KCNN2: variants seen among roughly 807,000 people sequenced by gnomAD.
KCNN2 encodes the protein potassium calcium-activated channel subfamily N member 2, also known as small conductance calcium-activated potassium channel protein 2.
Under a neutral mutation model 55.5 loss-of-function variants are expected in KCNN2, and 24 were observed. The observed-to-expected ratio is 0.43, with a 90% CI of 0.31 to 0.61. The LOEUF (loss-of-function observed/expected upper bound fraction) is 0.61. Ranked by LOEUF, KCNN2 falls within the 20% of genes least tolerant of loss-of-function variation. The pLI, the probability that KCNN2 is intolerant of heterozygous loss-of-function variation, is 0.08. For synonymous variants in KCNN2, 431 were observed against 336.1 expected, an observed-to-expected ratio of 1.28 and a Z score of -3.09; for missense variants, 754 against 853.6, an observed-to-expected ratio of 0.88 and a Z score of 1.45.
chr5:114,065,588 T>G (rs1750427894), intron 1 of KCNN2, among the ~76,000 whole-genome samples: 1 of 152,192 alleles, frequency 6.6e-6, no homozygotes, highest in Admixed American at 6.5e-5. Flanking sequence ...ATAAATGCAA[T>G]ATTAGTCTTG....
intron 1 of KCNN2, among the ~76,000 whole-genome samples, chr5:114,187,198 A>G (rs1158080261): frequency 6.6e-6 from 1 of 152,142 alleles, no homozygotes; most frequent in Non-Finnish European, 1.5e-5. Context: ...ACCTTATATT[A>G]AATAAGTGCA....
intron 2 of KCNN2, among the ~76,000 whole-genome samples, chr5:114,245,223 A>G (rs1412925045): frequency 3.3e-5 from 5 of 152,230 alleles, no homozygotes; most frequent in Admixed American, 1.3e-4. Context: ...CAAAAACTCT[A>G]GTGCTGCTGT....
intron 3 of KCNN2, among the ~76,000 whole-genome samples, chr5:114,425,163 C>T (rs956623586): frequency 2.0e-5 from 3 of 152,170 alleles, no homozygotes; most frequent in Non-Finnish European, 4.4e-5. Context: ...ACAATTTGTT[C>T]TACCCAAGGC....
At chr5:114,432,780 C>A (rs1025173103) in intron 3 of KCNN2, among the ~76,000 whole-genome samples, 3 of 152,186 alleles carry the variant, frequency 2.0e-5, no homozygotes, top group African/African-American at 7.2e-5. Context: ...CGCCGAGCAG[C>A]CGGCCAGCCC....
At chr5:114,119,617 A>C (rs550570545) in intron 1 of KCNN2, among the ~76,000 whole-genome samples, 7 of 152,080 alleles carry the variant, frequency 4.6e-5, no homozygotes, top group Non-Finnish European at 8.8e-5. Context: ...CTCCCATTGG[A>C]AGCATCCCGT....
intron 2 of KCNN2, among the ~76,000 whole-genome samples, chr5:114,386,111 G>GA (rs1758275349): frequency 3.3e-5 from 5 of 150,154 alleles, no homozygotes. Context: ...GAACCGAGGA[G>GA]ACAGAGCTTG....
rs750693807 is a variant in KCNN2, at chr5:114,363,941, C to T, written c.1158C>T (p.Ile386=). 6.8e-6 allele frequency: 11 copies of T among 1,614,052 alleles called. No individual in the cohort carries two copies. Among genetic ancestry groups the T allele is most frequent in the Non-Finnish European group, 9.3e-6 (11 of 1,179,928 alleles). ...ATTCCTTAGCTCTGAAATGCCTTAT[C>T]AGTCTCTCCACGATCATCCTGCTCG... ...SLYSLALKCL[I]SLSTIILLGL... is the part of the protein sequence containing the mutation. The change falls in exon 2 of 8, where the codon ATC becomes ATT. Residue 386 remains isoleucine (I), a synonymous_variant. Coordinates refer to ENST00000673685, the MANE Select transcript of KCNN2 (RefSeq NM_021614.4).
chr5:114,405,801 C>T (rs376115893), intron 3 of KCNN2, among the ~76,000 whole-genome samples: 1 of 151,886 alleles, frequency 6.6e-6, no homozygotes, highest in South Asian at 2.1e-4. Context: ...AGCTCTGCCT[C>T]CCAGGTTCAC....
intron 2 of KCNN2, among the ~76,000 whole-genome samples, chr5:114,252,022 G>A (rs964705570): frequency 2.6e-5 from 4 of 151,458 alleles, no homozygotes; most frequent in Admixed American, 6.6e-5. Flanking sequence ...GGGATTATAG[G>A]CATGCCCCAC....
intron 1 of KCNN2, among the ~76,000 whole-genome samples, chr5:114,095,322 CT>C (rs1332667727): frequency 6.6e-6 from 1 of 152,144 alleles, no homozygotes; most frequent in Non-Finnish European, 1.5e-5. Flanking sequence ...TGTGCCTTAT[CT>C]CTTTTAAACT....
At chr5:114,291,339 C>G (rs530980051) in intron 2 of KCNN2, among the ~76,000 whole-genome samples, 1 of 152,078 alleles carries the variant, frequency 6.6e-6, no homozygotes, top group African/African-American at 2.4e-5. Flanking sequence ...TCCCTCCCCC[C>G]TCTCCTCACC....
At chr5:114,380,915 G>T (rs1398618005) in intron 2 of KCNN2, among the ~76,000 whole-genome samples, 1 of 152,154 alleles carries the variant, frequency 6.6e-6, no homozygotes, top group Non-Finnish European at 1.5e-5. Flanking sequence ...GTTTGATTCT[G>T]CTGGACATTC....
chr5:114,130,531 T>G (rs1380232126), intron 1 of KCNN2, among the ~76,000 whole-genome samples: 1 of 152,190 alleles, frequency 6.6e-6, no homozygotes, highest in Admixed American at 6.5e-5. Context: ...GATTCTGTAA[T>G]TCTGCTTGTT....
intron 1 of KCNN2, among the ~76,000 whole-genome samples, chr5:114,140,978 G>A (rs1171821958): frequency 2.0e-5 from 3 of 151,518 alleles, no homozygotes; most frequent in Non-Finnish European, 4.4e-5. Flanking sequence ...TAGTAGAGAC[G>A]GGGTTTCACC....
intron 1 of KCNN2, among the ~76,000 whole-genome samples, chr5:114,165,296 T>C (rs1752885874): frequency 1.3e-5 from 2 of 152,276 alleles, no homozygotes; most frequent in South Asian, 4.1e-4. Flanking sequence ...CCTCTACCTC[T>C]TCAGCCTACT....
At chr5:114,465,911 A>G (rs1418809671) in intron 4 of KCNN2, among the ~76,000 whole-genome samples, 1 of 152,232 alleles carries the variant, frequency 6.6e-6, no homozygotes, top group Non-Finnish European at 1.5e-5. Context: ...TAGACTAAGC[A>G]GATTCCCATG....
intron 3 of KCNN2, among the ~76,000 whole-genome samples, chr5:114,432,712 C>A (rs899636837): frequency 6.6e-6 from 1 of 152,170 alleles, no homozygotes; most frequent in African/African-American, 2.4e-5. Context: ...CGGGGCTGTG[C>A]GCGGCACTTG....
chr5:114,159,404 G>C (rs558904533), intron 1 of KCNN2, among the ~76,000 whole-genome samples: 48 of 152,166 alleles, frequency 3.2e-4, no homozygotes, highest in Non-Finnish European at 5.3e-4. Flanking sequence ...ATTCGGTTTG[G>C]CAGTATTTTA....
chr5:114,296,228 C>G (rs1416519104), intron 2 of KCNN2, among the ~76,000 whole-genome samples: 1 of 152,172 alleles, frequency 6.6e-6, no homozygotes, highest in Non-Finnish European at 1.5e-5. Context: ...TGAGTAACCT[C>G]TTATAGCCTA....
Sources: allele counts gnomAD v4.1 joint callset (sites outside exome capture counted in the v4.1 genomes callset), GRCh38; gene constraint gnomAD v4.1.1; transcripts MANE v1.5; gene names NCBI Gene and HGNC (gene_info 2026-07-23, HGNC 2026-07-21).